The following PCDHGB6 variants were observed in gnomAD, a reference collection of about 807,000 sequenced individuals.
PCDHGB6 encodes the protein protocadherin gamma-B6.
PCDHGB6 carries 51 observed loss-of-function variants against 59.1 expected under a neutral mutation model. The ratio of observed to expected loss-of-function variants is 0.86; its 90% confidence interval spans 0.69 to 1.09. The LOEUF (loss-of-function observed/expected upper bound fraction) is 1.09. Among genes scored for constraint, PCDHGB6 ranks in the 50% least tolerant of loss-of-function variants. The pLI is 0.00. For synonymous variants in PCDHGB6, 466 were observed against 495.1 expected (o/e 0.94, Z 0.78); for missense variants, 1,148 against 1,205.1 (o/e 0.95, Z 0.70).
chr5:141,415,783 A>G, intron 1 of PCDHGB6: 1 of 1,344,604 alleles, frequency 7.4e-7, no homozygotes, highest in Non-Finnish European at 9.5e-7. Context: ...ACTTTCTGGT[A>G]AAATTCACCT....
At chr5:141,450,006 CTT>C (rs1554136305) in intron 1 of PCDHGB6, among the ~76,000 whole-genome samples, 13 of 132,938 alleles carry the variant, frequency 9.8e-5, no homozygotes, top group Non-Finnish European at 7.9e-5. Flanking sequence ...TGCCATGTCT[CTT>C]TTTTTTTTTT....
intron 1 of PCDHGB6, among the ~76,000 whole-genome samples, chr5:141,454,032 C>T (rs2098780173): frequency 6.6e-6 from 1 of 152,126 alleles, no homozygotes; most frequent in Non-Finnish European, 1.5e-5. Flanking sequence ...AAGAATTGGC[C>T]AGCAAAGATA....
intron 1 of PCDHGB6, chr5:141,411,291 C>G (rs2095478163): frequency 6.6e-6 from 1 of 152,158 alleles, no homozygotes; most frequent in South Asian, 2.1e-4. Context: ...ATTCAGAAGA[C>G]AGGCCCAGTG....
Position 141,450,631 on chromosome 5 carries a change from T to C in PCDHGB6, c.2418+40011T>C, listed in dbSNP as rs554043866. 6.1e-5 allele frequency among the ~76,000 whole-genome samples: 9 copies of C among 148,320 alleles called. No homozygotes were observed. In the East Asian group the frequency reaches 1.9e-3, roughly 31 times the overall value. Reference sequence around the variant, plus strand: ...CCTCCTGAGTAGCTGGGATTACAGATGCCTGCCACCATGCCTGGCTAATTT... The same window carrying C: ...CCTCCTGAGTAGCTGGGATTACAGACGCCTGCCACCATGCCTGGCTAATTT... On this transcript the variant is annotated intron_variant, in intron 1 of 3. Transcript: ENST00000520790.
At chr5:141,447,576 A>G (rs758449068) in intron 1 of PCDHGB6, among the ~76,000 whole-genome samples, 6 of 152,214 alleles carry the variant, frequency 3.9e-5, no homozygotes, top group African/African-American at 7.2e-5. Context: ...CTATGTCCAC[A>G]CATACCTTAA....
chr5:141,445,623 A>G (rs2098472971), intron 1 of PCDHGB6, among the ~76,000 whole-genome samples: 1 of 152,172 alleles, frequency 6.6e-6, no homozygotes, highest in South Asian at 2.1e-4. Flanking sequence ...TTTTTTTCGG[A>G]AAGTGATATT....
intron 1 of PCDHGB6, chr5:141,426,609 G>A (rs1026143678): frequency 5.2e-6 from 2 of 382,862 alleles, no homozygotes; most frequent in African/African-American, 4.2e-5. Flanking sequence ...AGAGATTGTA[G>A]CAGAGAATCC....
intron 1 of PCDHGB6, chr5:141,422,206 G>A (rs1269700250): frequency 6.4e-7 from 1 of 1,562,324 alleles, no homozygotes; most frequent in Non-Finnish European, 8.6e-7. Flanking sequence ...AGATGGTGGA[G>A]GTCTCTTTAC....
intron 2 of PCDHGB6, among the ~76,000 whole-genome samples, chr5:141,496,078 CCCCACCCACCA>C (rs1204698458): frequency 6.6e-6 from 1 of 152,016 alleles, no homozygotes; most frequent in Non-Finnish European, 1.5e-5. Context: ...ACACACAACC[CCCCACCCACCA>C]CCCACCAACA....
intron 1 of PCDHGB6, chr5:141,427,502 G>A (rs1276688816): frequency 1.7e-6 from 1 of 576,718 alleles, no homozygotes; most frequent in East Asian, 4.0e-5. Flanking sequence ...TAACAGATGG[G>A]ACCCTGGATT....
intron 1 of PCDHGB6, chr5:141,422,771 T>C (rs2096671394): frequency 6.2e-7 from 1 of 1,613,954 alleles, no homozygotes; most frequent in Non-Finnish European, 8.5e-7. Flanking sequence ...ACTGGTGTTC[T>C]CTATGCCCTA....
Position 141,432,184 on chromosome 5 carries a change from C to T in PCDHGB6, c.2418+21564C>T, listed in dbSNP as rs774512372. 3.7e-6 allele frequency: 6 copies of T among 1,614,164 alleles called. No homozygotes were observed. The highest frequency in any genetic ancestry group is 2.2e-5 in the South Asian group (2 of 91,080). On this transcript the variant is annotated intron_variant, in intron 1 of 3. Transcript: ENST00000520790. The surrounding 1 kb of genome is among the most constrained non-coding windows in gnomAD (Gnocchi z 6.0). Reference sequence around the variant, plus strand: ...GAGGAGTTTCCCTCGTCTCTGTGACCGCCCACGACCCCGACTGTGAAGAGA... The same window carrying T: ...GAGGAGTTTCCCTCGTCTCTGTGACTGCCCACGACCCCGACTGTGAAGAGA...
In PCDHGB6 at chr5:141,432,872, C is replaced by A. The variant is rs73280906; in HGVS notation, c.2418+22252C>A. The stretch of plus-strand genomic sequence containing the variant: ...GGTGGCCGCGGTCTCCTGCGTCTTC[C>A]TGGCCTTCGTCATCTTGCTGCTGGC... On this transcript the variant is annotated intron_variant, in intron 1 of 3. Transcript: ENST00000520790. The surrounding 1 kb of genome is among the most constrained non-coding windows in gnomAD (Gnocchi z 6.0). 2,361 of 1,614,192 alleles carry A rather than the reference C, an allele frequency of 1.5e-3. 32 individuals carry two copies. In the African/African-American group the frequency reaches 0.028, roughly 19 times the overall value.
rs202065305 is a variant in PCDHGB6 at position 141,410,175 on chromosome 5, C to A, written c.1973C>A (p.Ala658Asp). 1.1e-5 allele frequency: 17 copies of A among 1,613,752 alleles called. No homozygotes were observed. In the African/African-American group the frequency reaches 2.1e-4, roughly 20 times the overall value. ...GGACAGCCGCCACTCTCTGCCACCG[C>A]CACGCTTCATCTGGTCTTCGCAGAC... ...DGGQPPLSATATLHLVFADNL... is the reference protein window; with the variant it reads ...DGGQPPLSATDTLHLVFADNL... The change falls in exon 1 of 4, where the codon GCC becomes GAC. Residue 658 changes from alanine to aspartate, a missense_variant. By Grantham distance (126) the Ala-to-Asp change is moderately radical. Transcript: ENST00000520790.
At chr5:141,463,653 G>T (rs1378583183) in intron 1 of PCDHGB6, among the ~76,000 whole-genome samples, 1 of 151,764 alleles carries the variant, frequency 6.6e-6, no homozygotes. Context: ...GGGTTTCACC[G>T]TGTTAGCCAG....
intron 2 of PCDHGB6, among the ~76,000 whole-genome samples, chr5:141,498,543 C>T (rs2099784198): frequency 6.6e-6 from 1 of 151,870 alleles, no homozygotes; most frequent in South Asian, 2.1e-4. Flanking sequence ...CTGGTCTGGT[C>T]AGACACACCA....
chr5:141,432,935 C>T lies in PCDHGB6; in HGVS notation c.2418+22315C>T. The T allele has an allele frequency of 4.3e-6, 7 of 1,614,218 alleles. No homozygotes were observed. The highest frequency in any genetic ancestry group is 5.1e-6 in the Non-Finnish European group (6 of 1,180,046). On this transcript the variant is annotated intron_variant, in intron 1 of 3. Transcript: ENST00000520790. This position sits in a 1 kb window ranked among gnomAD's most constrained non-coding sequence, Gnocchi z 6.0. The stretch of plus-strand genomic sequence containing the variant: ...GCGCTGGCACAAGTCACGCCTGCTG[C>T]AGGCTTCAGGAGGCGGCTTGACAGG...
At chr5:141,470,227 C>A (rs1387947362) in intron 1 of PCDHGB6, among the ~76,000 whole-genome samples, 1 of 152,160 alleles carries the variant, frequency 6.6e-6, no homozygotes, top group Non-Finnish European at 1.5e-5. Flanking sequence ...AGCTTCTTCA[C>A]CAAACCCTTG....
intron 1 of PCDHGB6, chr5:141,417,232 G>A (rs997894028): frequency 6.6e-6 from 1 of 152,072 alleles, no homozygotes; most frequent in Admixed American, 6.6e-5. Context: ...AAAATTTGTT[G>A]CTTATCTTCA....
Sources: gnomAD v4.1 joint callset for allele counts (sites outside exome capture counted in the v4.1 genomes callset) on GRCh38, gnomAD v4.1.1 for gene constraint, Gnocchi (gnomAD v3.1) non-coding constraint, MANE v1.5 for transcripts, NCBI Gene and HGNC (gene_info 2026-07-23, HGNC 2026-07-21) for gene names.